The following SAMD4A variants were observed in gnomAD, a reference collection of about 807,000 sequenced individuals.
SAMD4A encodes the protein protein Smaug homolog 1.
SAMD4A carries 33 observed loss-of-function variants against 81.3 expected under a neutral mutation model. The observed-to-expected ratio is 0.41, with a 90% confidence interval of 0.31 to 0.54. The LOEUF is 0.54. Among genes scored for constraint, SAMD4A ranks in the 20% least tolerant of loss-of-function variants. The pLI, the probability that SAMD4A is intolerant of heterozygous loss-of-function variation, is 0.37. For synonymous variants in SAMD4A, 389 were observed against 382.1 expected (o/e 1.02, Z -0.21); for missense variants, 854 against 951.1 (o/e 0.90, Z 1.34).
At chr14:54,616,485 G>T (rs2034495337) in intron 2 of SAMD4A, among the ~76,000 whole-genome samples, 1 of 152,172 alleles carries the variant, frequency 6.6e-6, no homozygotes, top group Non-Finnish European at 1.5e-5. Context: ...TGTCTTGATG[G>T]TTGTGTCCAT....
Position 54,617,214 on chromosome 14 carries a change from C to T in SAMD4A, c.196+49102C>T, listed in dbSNP as rs74723561. On this transcript the variant is annotated intron_variant, in intron 2 of 12. Coordinates refer to ENST00000554335, the MANE Select transcript of SAMD4A (RefSeq NM_015589.6). Reference sequence around the variant, plus strand: ...ATTCATTTCCTTGAAATAATGTATTCGTAGGATAAAATATGGTATTTCTTT... The same window carrying T: ...ATTCATTTCCTTGAAATAATGTATTTGTAGGATAAAATATGGTATTTCTTT... 1.6e-4 allele frequency among the ~76,000 whole-genome samples: 24 copies of T among 152,150 alleles called. 1 individual carries two copies. Among genetic ancestry groups the T allele is most frequent in the East Asian group, 1.2e-3 (6 of 5,184 alleles).
In SAMD4A at chr14:54,707,321, C is replaced by A. The variant is rs75171560; in HGVS notation, c.715+4741C>A. Among the ~76,000 whole-genome samples, 911 of 152,080 alleles carry A rather than the reference C, an allele frequency of 6.0e-3. 13 individuals are homozygous for A. In the East Asian group the frequency reaches 0.065, roughly 11 times the overall value. ...GTCTCCCTGTGTTGCCCAGGCTGGT[C>A]TCAAACTCCTGGGCTCAAATAATCC... On this transcript the variant is annotated intron_variant, in intron 3 of 12. Coordinates refer to ENST00000554335, the MANE Select transcript of SAMD4A (RefSeq NM_015589.6).
chr14:54,600,246 A>T (rs1006116348), intron 2 of SAMD4A, among the ~76,000 whole-genome samples: 3 of 152,316 alleles, frequency 2.0e-5, no homozygotes, highest in Middle Eastern at 3.4e-3. Context: ...TGAGCATGTC[A>T]CTGTCATAAA....
chr14:54,651,584 C>T (rs1055175391), intron 2 of SAMD4A, among the ~76,000 whole-genome samples: 1 of 152,146 alleles, frequency 6.6e-6, no homozygotes, highest in African/African-American at 2.4e-5. Flanking sequence ...ATTTCAAGAA[C>T]TTACTAGTAA....
At chr14:54,657,451 T>A (rs79719293) in intron 2 of SAMD4A, among the ~76,000 whole-genome samples, 2,393 of 152,154 alleles carry the variant, frequency 0.016, 48 homozygotes, top group African/African-American at 0.054. Context: ...TGTTTACTTA[T>A]TTTTTTTGTT....
At chr14:54,573,192 C>A (rs756806535) in intron 2 of SAMD4A, among the ~76,000 whole-genome samples, 1 of 152,150 alleles carries the variant, frequency 6.6e-6, no homozygotes, top group Non-Finnish European at 1.5e-5. Flanking sequence ...TAAGTTGTAG[C>A]AGGTCACATA....
chr14:54,658,434 T>C (rs1289665559), intron 2 of SAMD4A, among the ~76,000 whole-genome samples: 1 of 152,136 alleles, frequency 6.6e-6, no homozygotes, highest in Non-Finnish European at 1.5e-5. Context: ...TGCTGTGCTA[T>C]ATTCTCCTGC....
chr14:54,567,928 C>A lies in SAMD4A; in HGVS notation c.12C>A (p.Arg4=). ...GCGGCCCCCTAACCATGATGTTTCG[C>A]GACCAGGTCGGGGTGCTGGCGGGCT... MMF[R]DQVGVLAGWF... is the part of the protein sequence containing the mutation. Residue 4 remains arginine (R), a synonymous_variant, in exon 2 of 13, where the codon CGC becomes CGA. Transcript: ENST00000554335. The A allele has an allele frequency of 6.2e-7, 1 of 1,607,490 alleles. No individual in the cohort carries two copies. The highest frequency in any genetic ancestry group is 8.5e-7 in the Non-Finnish European group (1 of 1,178,812).
chr14:54,571,353 A>G (rs1431880070), intron 2 of SAMD4A, among the ~76,000 whole-genome samples: 2 of 152,172 alleles, frequency 1.3e-5, no homozygotes, highest in African/African-American at 2.4e-5. Context: ...ATAACCTTAG[A>G]TAAGTCTCTT....
chr14:54,697,815 T>C (rs2036613335), intron 2 of SAMD4A, among the ~76,000 whole-genome samples: 1 of 152,232 alleles, frequency 6.6e-6, no homozygotes, highest in African/African-American at 2.4e-5. Context: ...AAGGCTTATC[T>C]GGGCTAGGAG....
intron 2 of SAMD4A, among the ~76,000 whole-genome samples, chr14:54,639,113 C>T (rs2035105590): frequency 1.3e-5 from 2 of 152,164 alleles, no homozygotes; most frequent in South Asian, 4.1e-4. Flanking sequence ...TTGACCCCAG[C>T]AAATTACTTT....
intron 2 of SAMD4A, among the ~76,000 whole-genome samples, chr14:54,602,375 C>G (rs564203931): frequency 7.4e-6 from 1 of 134,670 alleles, no homozygotes; most frequent in African/African-American, 2.8e-5. Flanking sequence ...CACACACACA[C>G]GAAACACCAG....
intron 2 of SAMD4A, among the ~76,000 whole-genome samples, chr14:54,642,992 C>G (rs1030370878): frequency 2.0e-5 from 3 of 152,162 alleles, no homozygotes; most frequent in African/African-American, 7.2e-5. Context: ...TCCCTTTCCC[C>G]AAAGGTCTCA....
chr14:54,737,350 T>TA, intron 4 of SAMD4A, 63 bp downstream of exon 4: 4 of 1,579,632 alleles, frequency 2.5e-6, no homozygotes, highest in Admixed American at 1.9e-5. Context: ...GACCAGAGGG[T>TA]AAAAAAAGAG....
In SAMD4A at chr14:54,784,553, G is replaced by T. The variant is rs1251188848; in HGVS notation, c.2061G>T (p.Val687=). 13 of 1,614,132 alleles carry T rather than the reference G, an allele frequency of 8.1e-6. No individual in the cohort carries two copies. In the East Asian group the frequency reaches 2.7e-4, roughly 33 times the overall value. ...CGCCTGCAGAATTCCAGCTTCCCGT[G>T]ACCGAACCTGACATCAACAACAGGC... The part of the protein sequence containing the change: ...MFQQPEFQLP[V]TEPDINNRLE... Residue 687 remains valine, a synonymous_variant, in exon 12 of 13, where the codon GTG becomes GTT. Transcript: ENST00000554335.
chr14:54,594,914 T>G (rs866487399), intron 2 of SAMD4A, among the ~76,000 whole-genome samples: 3 of 152,228 alleles, frequency 2.0e-5, no homozygotes, highest in Admixed American at 2.0e-4. Flanking sequence ...CTATTTCCAG[T>G]TTAGGGCCAA....
At position 54,648,384 on chromosome 14, in the gene SAMD4A, G is replaced by A. The variant is rs540091597; in HGVS notation, c.197-53678G>A. On this transcript the variant is annotated intron_variant, in intron 2 of 12. Coordinates refer to ENST00000554335, the MANE Select transcript of SAMD4A (RefSeq NM_015589.6). ...GTGGGTTGAAGTACAGTGAAGGTTG[G>A]CAGCTACTTCAAGGCTTCCAGCCTA... Among the ~76,000 whole-genome samples the A allele has an allele frequency of 5.9e-5, 9 of 152,308 alleles. No homozygotes were observed. The South Asian group carries it at 8.3e-4, about 14-fold the overall frequency.
chr14:54,638,934 G>A (rs1027674724), intron 2 of SAMD4A, among the ~76,000 whole-genome samples: 6 of 152,132 alleles, frequency 3.9e-5, no homozygotes, highest in African/African-American at 1.4e-4. Flanking sequence ...TAAACAGGTT[G>A]GTTTTGCTTC....
At chr14:54,582,877 G>T (rs148078177) in intron 2 of SAMD4A, among the ~76,000 whole-genome samples, 59 of 152,284 alleles carry the variant, frequency 3.9e-4, no homozygotes, top group African/African-American at 1.3e-3. Context: ...TTAAGAATTG[G>T]TCAATCTTGG....
Sources: allele counts gnomAD v4.1 joint callset (sites outside exome capture counted in the v4.1 genomes callset), GRCh38; gene constraint gnomAD v4.1.1; transcripts MANE v1.5; gene names NCBI Gene and HGNC (gene_info 2026-07-23, HGNC 2026-07-21).